CDKAL1: variants seen among roughly 807,000 people sequenced by gnomAD.
CDKAL1 encodes the protein CDKAL1 threonylcarbamoyladenosine tRNA methylthiotransferase.
In CDKAL1, 32 loss-of-function variants were observed where a neutral mutation model predicts 68.2. The ratio of observed to expected loss-of-function variants is 0.47; its 90% CI spans 0.35 to 0.63. CDKAL1 has a LOEUF of 0.63. CDKAL1 is among the 30% of genes least tolerant of loss of function. The pLI is 0.00. For synonymous variants in CDKAL1, 234 were observed against 244.3 expected (o/e 0.96, Z 0.39); for missense variants, 606 against 696.7 (o/e 0.87, Z 1.47).
At chr6:20,965,539 A>G (rs1021283676) in intron 10 of CDKAL1, among the ~76,000 whole-genome samples, 23 of 152,154 alleles carry the variant, frequency 1.5e-4, no homozygotes, top group African/African-American at 5.1e-4. Flanking sequence ...AAATATAAAG[A>G]TCTCTCTCAC....
intron 9 of CDKAL1, among the ~76,000 whole-genome samples, chr6:20,886,650 A>G (rs1040124849): frequency 6.6e-6 from 1 of 152,230 alleles, no homozygotes; most frequent in Non-Finnish European, 1.5e-5. Context: ...AAGGACAAAT[A>G]TTGTATGATC....
At chr6:21,079,974 C>CTGTGTGTGTGTG (rs1206773584) in intron 12 of CDKAL1, among the ~76,000 whole-genome samples, 3 of 20,438 alleles carry the variant, frequency 1.5e-4, no homozygotes, top group East Asian at 3.1e-3. Flanking sequence ...TCAACTTTGT[C>CTGTGTGTGTGTG]TCTGTGTGTG....
At chr6:20,834,788 G>A (rs1777860664) in intron 8 of CDKAL1, among the ~76,000 whole-genome samples, 1 of 152,128 alleles carries the variant, frequency 6.6e-6, no homozygotes, top group Admixed American at 6.6e-5. Flanking sequence ...GAGTTCTGAT[G>A]TTACCTTCTC....
intron 4 of CDKAL1, among the ~76,000 whole-genome samples, chr6:20,564,155 C>T (rs1764372062): frequency 1.3e-5 from 2 of 152,144 alleles, no homozygotes; most frequent in Non-Finnish European, 1.5e-5. Flanking sequence ...GCCTGTAATG[C>T]TAGCTACTCA....
At chr6:20,803,828 A>G (rs1426348787) in intron 8 of CDKAL1, among the ~76,000 whole-genome samples, 1 of 152,166 alleles carries the variant, frequency 6.6e-6, no homozygotes, top group African/African-American at 2.4e-5. Flanking sequence ...GAGAGACCAA[A>G]TAAGAAGTGA....
At chr6:20,568,744 A>AAC (rs1764574532) in intron 4 of CDKAL1, among the ~76,000 whole-genome samples, 2 of 81,958 alleles carry the variant, frequency 2.4e-5, no homozygotes, top group Non-Finnish European at 4.7e-5. Context: ...CAAAAAAAAA[A>AAC]AAAAAACAAA....
chr6:21,132,367 G>A (rs1297248489), intron 13 of CDKAL1, among the ~76,000 whole-genome samples: 1 of 152,022 alleles, frequency 6.6e-6, no homozygotes, highest in East Asian at 1.9e-4. Flanking sequence ...TTATTAGGAG[G>A]AAAAAAATAG....
chr6:20,579,483 T>C (rs531630951), intron 4 of CDKAL1, among the ~76,000 whole-genome samples: 4 of 152,366 alleles, frequency 2.6e-5, no homozygotes, highest in African/African-American at 9.6e-5. Flanking sequence ...CCAGCACATA[T>C]GTAATACCTG....
chr6:20,602,238 A>G (rs1369154057), intron 4 of CDKAL1, among the ~76,000 whole-genome samples: 1 of 152,170 alleles, frequency 6.6e-6, no homozygotes, highest in Non-Finnish European at 1.5e-5. Context: ...ACCATATCCC[A>G]TTCTGCTTCC....
intron 7 of CDKAL1, among the ~76,000 whole-genome samples, chr6:20,775,054 A>G (rs1203762407): frequency 1.3e-5 from 2 of 152,210 alleles, no homozygotes; most frequent in African/African-American, 2.4e-5. Flanking sequence ...AAGATAAAAG[A>G]TCTCAGAAAT....
intron 9 of CDKAL1, among the ~76,000 whole-genome samples, chr6:20,876,938 A>T (rs193117528): frequency 6.6e-6 from 1 of 152,200 alleles, no homozygotes; most frequent in African/African-American, 2.4e-5. Flanking sequence ...ACATATTATA[A>T]ATTTAAATGC....
chr6:20,648,629 G>A (rs773296056), intron 4 of CDKAL1, among the ~76,000 whole-genome samples: 2 of 152,020 alleles, frequency 1.3e-5, no homozygotes, highest in Non-Finnish European at 2.9e-5. Flanking sequence ...TTCAATTTTG[G>A]TTTTCCTTTC....
intron 7 of CDKAL1, among the ~76,000 whole-genome samples, chr6:20,766,121 C>T (rs1048446634): frequency 5.3e-5 from 8 of 152,136 alleles, no homozygotes; most frequent in African/African-American, 1.9e-4. Context: ...AATGGTCTTA[C>T]ATGCTTTTTG....
intron 11 of CDKAL1, among the ~76,000 whole-genome samples, chr6:21,006,662 A>AGTGCC (rs1767744941): frequency 6.6e-6 from 1 of 152,080 alleles, no homozygotes; most frequent in Non-Finnish European, 1.5e-5. Flanking sequence ...TTCCTTCTCC[A>AGTGCC]GTGTGTTGTT....
At chr6:20,910,551 T>A (rs142404881) in intron 9 of CDKAL1, among the ~76,000 whole-genome samples, 1 of 152,304 alleles carries the variant, frequency 6.6e-6, no homozygotes, top group Non-Finnish European at 1.5e-5. Flanking sequence ...TGGCCAGGAA[T>A]TAGATTAGAG....
chr6:21,175,713 G>C (rs1489408739), intron 13 of CDKAL1, among the ~76,000 whole-genome samples: 1 of 152,180 alleles, frequency 6.6e-6, no homozygotes, highest in Non-Finnish European at 1.5e-5. Flanking sequence ...TAGTCTGTTT[G>C]ATCCCTTGGT....
At chr6:20,680,152 C>T (rs1304140957) in intron 5 of CDKAL1, among the ~76,000 whole-genome samples, 1 of 152,106 alleles carries the variant, frequency 6.6e-6, no homozygotes, top group Non-Finnish European at 1.5e-5. Context: ...ACTACAGCCT[C>T]CACCTCCCAG....
At chr6:20,578,323 A>T (rs1216384371) in intron 4 of CDKAL1, among the ~76,000 whole-genome samples, 3 of 151,614 alleles carry the variant, frequency 2.0e-5, no homozygotes, top group Non-Finnish European at 4.4e-5. Flanking sequence ...AATTTTTCCT[A>T]CCTCTCTCCC....
intron 8 of CDKAL1, among the ~76,000 whole-genome samples, chr6:20,820,138 C>T (rs181917012): frequency 4.6e-4 from 70 of 152,262 alleles, no homozygotes; most frequent in East Asian, 5.8e-4. Context: ...AGTGGAGGGT[C>T]ATGGGCCTCA....
Sources: allele counts gnomAD v4.1 joint callset (sites outside exome capture counted in the v4.1 genomes callset), GRCh38; gene constraint gnomAD v4.1.1; transcripts MANE v1.5; gene names NCBI Gene and HGNC (gene_info 2026-07-23, HGNC 2026-07-21).